The following CALN1 variants were observed in gnomAD, a reference collection of about 807,000 sequenced individuals.
CALN1 encodes the protein calneuron 1, also known as calcium-binding protein 8.
CALN1 carries 17 observed loss-of-function variants against 30.6 expected under a neutral mutation model. The ratio of observed to expected loss-of-function variants is 0.56; its 90% confidence interval spans 0.38 to 0.83. The LOEUF (loss-of-function observed/expected upper bound fraction) is 0.83, where lower values mean the gene tolerates loss of function less well. Among genes scored for constraint, CALN1 ranks in the 40% least tolerant of loss-of-function variants. The pLI is 0.00. For synonymous variants in CALN1, 156 were observed against 131.4 expected (o/e 1.19, Z -1.28); for missense variants, 291 against 354.9 (o/e 0.82, Z 1.45).
At chr7:72,410,218 G>C (rs1219016868) in intron 1 of CALN1, among the ~76,000 whole-genome samples, 1 of 152,170 alleles carries the variant, frequency 6.6e-6, no homozygotes, top group Non-Finnish European at 1.5e-5. Context: ...AAATATGTAA[G>C]AGAGGTTGTC....
intron 3 of CALN1, among the ~76,000 whole-genome samples, chr7:72,172,405 G>C (rs1399413299): frequency 6.6e-6 from 1 of 152,180 alleles, no homozygotes; most frequent in Non-Finnish European, 1.5e-5. Context: ...AGGCTCACTA[G>C]TCAGTCTTGC....
At chr7:71,894,310 A>G (rs975145987) in intron 5 of CALN1, among the ~76,000 whole-genome samples, 1 of 152,188 alleles carries the variant, frequency 6.6e-6, no homozygotes, top group Non-Finnish European at 1.5e-5. Flanking sequence ...ACTCAACCAG[A>G]AAGACAGGAT....
chr7:72,078,605 C>A (rs1367480190), intron 4 of CALN1, among the ~76,000 whole-genome samples: 2 of 152,090 alleles, frequency 1.3e-5, no homozygotes, highest in Non-Finnish European at 2.9e-5. Context: ...AGGAGAGGAA[C>A]CGAGAAGGGC....
chr7:72,274,072 A>G (rs1797182603), intron 3 of CALN1, among the ~76,000 whole-genome samples: 1 of 152,196 alleles, frequency 6.6e-6, no homozygotes, highest in African/African-American at 2.4e-5. Context: ...ATTTCCTAAT[A>G]GCTCCAAACT....
At chr7:72,482,192 C>T in the CALN1 span, among the ~76,000 whole-genome samples, 1 of 152,066 alleles carries the variant, frequency 6.6e-6, no homozygotes, top group Non-Finnish European at 1.5e-5. Flanking sequence ...ATTAATAGAG[C>T]CATTCAACTT....
chr7:71,837,849 T>A (rs1464357022), intron 5 of CALN1, among the ~76,000 whole-genome samples: 1 of 151,658 alleles, frequency 6.6e-6, no homozygotes, highest in Non-Finnish European at 1.5e-5. Flanking sequence ...GAAAAACCAA[T>A]AATTTTACCA....
At chr7:72,287,435 ATTTTTTTTTTTTTTTTTTTTTTTTT>A (rs71069052) in intron 2 of CALN1, among the ~76,000 whole-genome samples, 1 of 68,038 alleles carries the variant, frequency 1.5e-5, no homozygotes, top group African/African-American at 6.0e-5. Flanking sequence ...CACCAAATTA[ATTTTTTTTTTTTTTTTTTTTTTTTT>A]TTTGAGACAG....
chr7:72,059,618 C>T (rs948599442), intron 4 of CALN1, among the ~76,000 whole-genome samples: 2 of 151,542 alleles, frequency 1.3e-5, no homozygotes, highest in African/African-American at 4.8e-5. Flanking sequence ...TGCAAATGAC[C>T]GTCAATTGTG....
intron 2 of CALN1, among the ~76,000 whole-genome samples, chr7:72,294,227 A>G (rs1798689943): frequency 6.6e-6 from 1 of 152,182 alleles, no homozygotes; most frequent in African/African-American, 2.4e-5. Context: ...AAATAAGTAG[A>G]GAAGTTTATG....
chr7:72,227,184 A>G (rs748314926), intron 3 of CALN1, among the ~76,000 whole-genome samples: 6 of 151,974 alleles, frequency 3.9e-5, no homozygotes, highest in Middle Eastern at 3.4e-3. Context: ...ATCATGCAAT[A>G]TACCTTTGTA....
intron 5 of CALN1, among the ~76,000 whole-genome samples, chr7:71,955,318 G>C (rs887250872): frequency 6.6e-6 from 1 of 152,126 alleles, no homozygotes; most frequent in East Asian, 1.9e-4. Context: ...GCAATTATGG[G>C]AGCTACAATT....
At chr7:71,832,934 A>G (rs976674193) in intron 5 of CALN1, among the ~76,000 whole-genome samples, 1 of 152,062 alleles carries the variant, frequency 6.6e-6, no homozygotes, top group African/African-American at 2.4e-5. Flanking sequence ...AATATCATCC[A>G]GCCTTGTCAT....
intron 5 of CALN1, among the ~76,000 whole-genome samples, chr7:71,849,298 T>C (rs1790500941): frequency 6.6e-6 from 1 of 152,182 alleles, no homozygotes. Context: ...AATTCCCACG[T>C]AGACCTGGGC....
At chr7:72,416,302 C>T (rs1186256989), upstream of CALN1, among the ~76,000 whole-genome samples, 1 of 152,216 alleles carries the variant, frequency 6.6e-6, no homozygotes, top group African/African-American at 2.4e-5. Context: ...TGCAGCACTG[C>T]CCCTGAGCTG....
At chr7:72,477,846 G>A in the CALN1 span, among the ~76,000 whole-genome samples, 1 of 152,246 alleles carries the variant, frequency 6.6e-6, no homozygotes, top group African/African-American at 2.4e-5. Flanking sequence ...CTTGCCAAGA[G>A]TCACCTTTGT....
At position 72,383,222 on chromosome 7, in the gene CALN1, G is replaced by C. The variant is rs375044147; in HGVS notation, c.119+20029C>G. ...TATTGTGAATAATGCTGCAATGAAC[G>C]TAACGGTACATGTGTCTTCCTGGCA... On this transcript the variant is annotated intron_variant, in intron 2 of 6. Transcript: ENST00000395275. Among the ~76,000 whole-genome samples the C allele has an allele frequency of 4.0e-5, 6 of 149,854 alleles. No homozygotes were observed. The East Asian group carries it at 9.6e-4, about 24-fold the overall frequency.
chr7:71,966,826 C>T (rs1797552888), intron 5 of CALN1, among the ~76,000 whole-genome samples: 1 of 152,146 alleles, frequency 6.6e-6, no homozygotes, highest in Non-Finnish European at 1.5e-5. Context: ...TTCTTCTCTT[C>T]CAGAAAATTT....
chr7:72,328,000 GA>G (rs896367479), intron 2 of CALN1, among the ~76,000 whole-genome samples: 34 of 152,058 alleles, frequency 2.2e-4, no homozygotes, highest in African/African-American at 7.2e-4. Flanking sequence ...GAAATGCATA[GA>G]AAAAAATCTA....
At chr7:72,368,809 CTTTT>C (rs57192078) in intron 2 of CALN1, among the ~76,000 whole-genome samples, 41 of 101,552 alleles carry the variant, frequency 4.0e-4, no homozygotes, top group Non-Finnish European at 6.0e-4. Flanking sequence ...GTTTGAAACC[CTTTT>C]TTTTTTTTTT....
Sources: allele counts gnomAD v4.1 joint callset (sites outside exome capture counted in the v4.1 genomes callset), GRCh38; gene constraint gnomAD v4.1.1; transcripts MANE v1.5; gene names NCBI Gene and HGNC (gene_info 2026-07-23, HGNC 2026-07-21).